ALK: variants seen among roughly 807,000 people sequenced by gnomAD.
ALK encodes the protein ALK tyrosine kinase receptor.
Under a neutral mutation model 163.1 loss-of-function variants are expected in ALK, and 74 were observed. The ratio of observed to expected loss-of-function variants is 0.45; its 90% CI spans 0.38 to 0.55. The LOEUF is 0.55. ALK is among the 20% of genes least tolerant of loss of function. The pLI is 0.00. For missense variants in ALK, 2,063 were observed against 2,105.3 expected (o/e 0.98, Z 0.39); for synonymous variants, 960 against 843.2 (o/e 1.14, Z -2.40).
At chr2:29,666,493 T>C (rs1449820165) in intron 3 of ALK, among the ~76,000 whole-genome samples, 2 of 152,154 alleles carry the variant, frequency 1.3e-5, no homozygotes, top group African/African-American at 2.4e-5. Context: ...TCTAGACCAG[T>C]ACTCATTACT....
chr2:29,753,266 AT>A (rs1457532714), intron 1 of ALK, among the ~76,000 whole-genome samples: 5 of 152,252 alleles, frequency 3.3e-5, no homozygotes, highest in Non-Finnish European at 7.3e-5. Flanking sequence ...ATCTTAAAAA[AT>A]AACAAGTGCG....
intron 5 of ALK, among the ~76,000 whole-genome samples, chr2:29,355,280 A>C (rs904751489): frequency 6.6e-6 from 1 of 152,052 alleles, no homozygotes; most frequent in Admixed American, 6.5e-5. Context: ...TGATTCTCCT[A>C]TTTTCAGCTG....
intron 3 of ALK, among the ~76,000 whole-genome samples, chr2:29,582,694 C>T (rs1674742798): frequency 2.6e-5 from 4 of 152,156 alleles, no homozygotes; most frequent in Admixed American, 2.6e-4. Flanking sequence ...AAGAAGTTAT[C>T]ACACGTGTTT....
Position 29,714,376 on chromosome 2 carries a change from C to A in ALK, c.787+3202G>T, listed in dbSNP as rs79397556. Among the ~76,000 whole-genome samples, 27 of 152,156 alleles carry A rather than the reference C, an allele frequency of 1.8e-4. No homozygotes were observed. The East Asian group carries it at 5.2e-3, about 29-fold the overall frequency. On this transcript the variant is annotated intron_variant, in intron 2 of 28. Coordinates refer to ENST00000389048, the MANE Select transcript of ALK (RefSeq NM_004304.5). The stretch of plus-strand genomic sequence containing the variant: ...TGCAAATTAGAAGAAATATGGGGAG[C>A]CTTCAAAAAGGTAGGTCAAACTTTT...
chr2:29,325,722 A>T (rs1195539330), intron 6 of ALK, among the ~76,000 whole-genome samples: 1 of 152,250 alleles, frequency 6.6e-6, no homozygotes, highest in Non-Finnish European at 1.5e-5. Context: ...GTGGACAACC[A>T]CTTAAACTCC....
At chr2:29,271,906 G>C (rs1665397427) in intron 11 of ALK, among the ~76,000 whole-genome samples, 1 of 152,230 alleles carries the variant, frequency 6.6e-6, no homozygotes, top group African/African-American at 2.4e-5. Context: ...CCCAAAGTTT[G>C]GGCGGGTTCT....
chr2:29,468,381 A>T (rs144099302), intron 4 of ALK, among the ~76,000 whole-genome samples: 93 of 152,292 alleles, frequency 6.1e-4, no homozygotes, highest in African/African-American at 2.2e-3. Flanking sequence ...AGAACTGCTG[A>T]CCTAGACCAA....
intron 8 of ALK, among the ~76,000 whole-genome samples, chr2:29,301,399 T>C (rs1374881517): frequency 1.3e-5 from 2 of 152,204 alleles, no homozygotes; most frequent in Admixed American, 6.5e-5. Flanking sequence ...GTCTTATTCA[T>C]CTTATGTTCA....
intron 5 of ALK, among the ~76,000 whole-genome samples, chr2:29,369,733 G>A (rs564965922): frequency 1.3e-5 from 2 of 152,222 alleles, no homozygotes; most frequent in African/African-American, 4.8e-5. Flanking sequence ...GCACACAGAA[G>A]AGGCTGAGGC....
chr2:29,239,899 C>G, intron 12 of ALK, 69 bp from the exon 13 acceptor site: 2 of 1,559,122 alleles, frequency 1.3e-6, no homozygotes, highest in African/African-American at 2.7e-5. Context: ...GCCAACCCAG[C>G]AGCTTCCAGT....
At chr2:29,358,108 C>T (rs1159885730) in intron 5 of ALK, among the ~76,000 whole-genome samples, 1 of 152,146 alleles carries the variant, frequency 6.6e-6, no homozygotes, top group African/African-American at 2.4e-5. Flanking sequence ...GAACCAGAGT[C>T]CATAACCAAT....
chr2:29,607,193 T>C (rs185097282), intron 3 of ALK, among the ~76,000 whole-genome samples: 1 of 152,204 alleles, frequency 6.6e-6, no homozygotes, highest in Admixed American at 6.5e-5. Context: ...GGGAGGGCTG[T>C]GGTTTCCCCT....
intron 3 of ALK, among the ~76,000 whole-genome samples, chr2:29,634,670 T>C (rs992541774): frequency 6.6e-6 from 1 of 152,190 alleles, no homozygotes; most frequent in African/African-American, 2.4e-5. Context: ...TAACACTGTA[T>C]ATAATAGTAA....
chr2:29,531,878 G>C (rs780456191), intron 4 of ALK, 37 bp downstream of exon 4: 3 of 1,606,374 alleles, frequency 1.9e-6, no homozygotes, highest in Admixed American at 3.3e-5. Flanking sequence ...CAAATCACCT[G>C]GTATAAAATC....
At chr2:29,900,411 C>T (rs948918706) in intron 1 of ALK, among the ~76,000 whole-genome samples, 45 of 152,230 alleles carry the variant, frequency 3.0e-4, no homozygotes, top group African/African-American at 1.0e-3. Context: ...CAGGGAACTC[C>T]TTGGCTTCTT....
At chr2:29,303,388 C>A (rs139658665) in intron 8 of ALK, among the ~76,000 whole-genome samples, 1 of 152,128 alleles carries the variant, frequency 6.6e-6, no homozygotes, top group East Asian at 1.9e-4. Context: ...AAGAAAAGAT[C>A]TTGGTGAAGA....
intron 9 of ALK, among the ~76,000 whole-genome samples, chr2:29,292,349 T>C (rs1666054771): frequency 6.6e-6 from 1 of 152,192 alleles, no homozygotes; most frequent in African/African-American, 2.4e-5. Flanking sequence ...CTTAGGATAG[T>C]GTGGGAACAT....
intron 4 of ALK, among the ~76,000 whole-genome samples, chr2:29,530,786 T>G (rs191157303): frequency 6.6e-6 from 1 of 152,162 alleles, no homozygotes; most frequent in Non-Finnish European, 1.5e-5. Flanking sequence ...CAAGAGTCCT[T>G]GGTAGCTGGG....
chr2:29,841,612 C>T (rs762244114), intron 1 of ALK, among the ~76,000 whole-genome samples: 1 of 152,190 alleles, frequency 6.6e-6, no homozygotes, highest in Non-Finnish European at 1.5e-5. Flanking sequence ...CAGGCAGCCT[C>T]TGCTGGGGGC....
Sources: gnomAD v4.1 joint callset for allele counts (sites outside exome capture counted in the v4.1 genomes callset) on GRCh38, gnomAD v4.1.1 for gene constraint, MANE v1.5 for transcripts, NCBI Gene and HGNC (gene_info 2026-07-23, HGNC 2026-07-21) for gene names.